The following LRRC53 variants were observed in gnomAD, a reference collection of about 807,000 sequenced individuals.
The protein encoded by LRRC53 is leucine rich repeat containing 53.
LRRC53 carries 25 observed loss-of-function variants against 13.6 expected under a neutral mutation model. That is an observed-to-expected ratio of 1.83 (90% CI 1.34 to 2.56). The LOEUF (loss-of-function observed/expected upper bound fraction) is 2.56, where lower values mean the gene tolerates loss of function less well. Ranked by LOEUF, LRRC53 falls within the 30% of genes most tolerant of loss-of-function variation. The probability of loss-of-function intolerance (pLI) is 0.00; values close to 1 mark genes in which losing one functional copy is unlikely to be tolerated. For synonymous variants in LRRC53, 204 were observed against 109.8 expected, an observed-to-expected ratio of 1.86 and a Z score of -5.37; for missense variants, 527 against 275.8, an observed-to-expected ratio of 1.91 and a Z score of -6.45.
the LRRC53 span, among the ~76,000 whole-genome samples, chr1:74,520,310 G>A: frequency 2.6e-4 from 39 of 152,206 alleles, no homozygotes; most frequent in East Asian, 5.4e-3. Context: ...TTAAATACAC[G>A]TACAGAATTG....
At chr1:74,489,007 A>C (rs1208096131) in intron 1 of LRRC53, among the ~76,000 whole-genome samples, 3 of 152,222 alleles carry the variant, frequency 2.0e-5, no homozygotes, top group African/African-American at 7.2e-5. Context: ...GGGAGACTCA[A>C]CATCTCTCCA....
the LRRC53 span, among the ~76,000 whole-genome samples, chr1:74,526,822 GA>G: frequency 6.6e-6 from 1 of 152,168 alleles, no homozygotes; most frequent in African/African-American, 2.4e-5. Flanking sequence ...ACACTCTAAA[GA>G]AGAGATTGGT....
intron 1 of LRRC53, among the ~76,000 whole-genome samples, chr1:74,505,791 G>A (rs1669865893): frequency 6.6e-6 from 1 of 152,110 alleles, no homozygotes; most frequent in Non-Finnish European, 1.5e-5. Context: ...ACTGGACCCA[G>A]GAAGAAAATA....
the LRRC53 span, among the ~76,000 whole-genome samples, chr1:74,528,601 G>T: frequency 6.6e-6 from 1 of 152,306 alleles, no homozygotes; most frequent in East Asian, 1.9e-4. Context: ...CACTGTCAGA[G>T]AATGGTGTGA....
At position 74,475,277 on chromosome 1, in the gene LRRC53, A is replaced by G. The variant is rs951196784; in HGVS notation, c.1420+18T>C. On this transcript the variant is annotated intron_variant, in intron 4 of 4. Transcript: ENST00000294635. Reference sequence around the variant, plus strand: ...AGAATTAAACGGAGTGGGATTTTCTAAAACAAGACAAACTCACCTTCTGTT... The same window carrying G: ...AGAATTAAACGGAGTGGGATTTTCTGAAACAAGACAAACTCACCTTCTGTT... 23 of 627,054 alleles carry G rather than the reference A, an allele frequency of 3.7e-5. No individual in the cohort carries two copies. Among genetic ancestry groups the G allele is most frequent in the Middle Eastern group, 2.5e-4 (1 of 3,972 alleles). 38.8% of individuals were successfully genotyped at this position (627,054 alleles called of 1,614,324 possible).
the LRRC53 span, among the ~76,000 whole-genome samples, chr1:74,527,942 G>A: frequency 3.9e-4 from 60 of 152,278 alleles, no homozygotes; most frequent in African/African-American, 1.4e-3. Flanking sequence ...AAAAGTGGGA[G>A]AAGGAAAGGG....
chr1:74,507,448 G>A (rs541344519), intron 1 of LRRC53, among the ~76,000 whole-genome samples: 4 of 152,116 alleles, frequency 2.6e-5, no homozygotes, highest in South Asian at 2.1e-4. Flanking sequence ...ACATGCGCAC[G>A]CACTTACACA....
chr1:74,522,772 AT>A, the LRRC53 span, among the ~76,000 whole-genome samples: 1 of 152,138 alleles, frequency 6.6e-6, no homozygotes, highest in Non-Finnish European at 1.5e-5. Flanking sequence ...AAACTGGTGT[AT>A]TTCTTAGGTT....
Position 74,480,949 on chromosome 1 carries a change from C to T in LRRC53, c.108G>A (p.Arg36=), listed in dbSNP as rs1258846482. The change falls in exon 3 of 5, where the codon AGG becomes AGA. Residue 36 remains arginine, a synonymous_variant. Transcript: ENST00000294635. The part of the protein sequence containing the change: ...TYIVAAPMTT[R]VLIITDGYLS... ...GATATCCATCGGTGATGATTAAAAC[C>T]CTCGTGGTCATAGGGGCTGCTGTGG... is the stretch of plus-strand genomic sequence containing the variant. 1.4e-6 allele frequency: 1 copy of T among 715,198 alleles called. No homozygotes were observed. The highest frequency in any genetic ancestry group is 1.7e-5 in the African/African-American group (1 of 57,146). The allele number at this position is 715,198 out of a possible 1,614,324, so 44.3% of individuals were successfully genotyped here. A position where few individuals can be genotyped will look rare whatever the true frequency, so the allele number is the denominator to read the frequency against.
Position 74,475,781 on chromosome 1 carries a change from C to T in LRRC53, c.934G>A (p.Val312Ile), listed in dbSNP as rs1212245630. 3.2e-6 allele frequency: 2 copies of T among 623,800 alleles called. No homozygotes were observed. Among genetic ancestry groups the T allele is most frequent in the Non-Finnish European group, 5.9e-6 (2 of 341,100 alleles). 38.6% of individuals were successfully genotyped at this position (623,800 alleles called of 1,614,324 possible). The change falls in exon 4 of 5, where the codon GTT becomes ATT. Residue 312 changes from valine to isoleucine, a missense_variant. Val to Ile is a conservative substitution (Grantham distance 29). Coordinates refer to ENST00000294635, the MANE Select transcript of LRRC53 (RefSeq NM_001382280.1). ...GAVGLTCLGL[V>I]VFNWKLHQGK... ...TGGTGGAGTTTCCAGTTAAATACAA[C>T]TAAACCTAGGCAAGTGAGACCAACA...
chr1:74,483,702 C>G (rs1668612235), intron 1 of LRRC53, among the ~76,000 whole-genome samples: 1 of 152,122 alleles, frequency 6.6e-6, no homozygotes, highest in Non-Finnish European at 1.5e-5. Flanking sequence ...TTTAATTCTG[C>G]AACCCAATTG....
the LRRC53 span, among the ~76,000 whole-genome samples, chr1:74,530,331 C>A: frequency 6.6e-6 from 1 of 152,198 alleles, no homozygotes; most frequent in Non-Finnish European, 1.5e-5. Flanking sequence ...GACTTAATAA[C>A]TGCCTGGCTT....
chr1:74,478,238 CACT>C (rs1262538376), intron 3 of LRRC53, among the ~76,000 whole-genome samples: 1 of 152,056 alleles, frequency 6.6e-6, no homozygotes, highest in African/African-American at 2.4e-5. Context: ...CTTCTCAAAG[CACT>C]ACAATTTAAC....
At chr1:74,509,546 T>G (rs540341151) in intron 1 of LRRC53, among the ~76,000 whole-genome samples, 14 of 152,244 alleles carry the variant, frequency 9.2e-5, no homozygotes, top group African/African-American at 3.1e-4. Flanking sequence ...GTATACTCTT[T>G]TCTTCAATAA....
upstream of LRRC53, among the ~76,000 whole-genome samples, chr1:74,515,080 T>C (rs941675048): frequency 2.0e-5 from 3 of 152,110 alleles, no homozygotes; most frequent in Non-Finnish European, 4.4e-5. Context: ...AGAATTTTCC[T>C]CAGAATATTC....
chr1:74,523,938 G>A, the LRRC53 span, among the ~76,000 whole-genome samples: 4 of 135,258 alleles, frequency 3.0e-5, no homozygotes, highest in African/African-American at 8.4e-5. Flanking sequence ...CCCCACCCCC[G>A]ACAGGCCCCA....
the LRRC53 span, among the ~76,000 whole-genome samples, chr1:74,533,680 A>T: frequency 3.9e-5 from 6 of 151,978 alleles, no homozygotes; most frequent in African/African-American, 1.5e-4. Context: ...CAACAATGAT[A>T]GACTGGATTA....
chr1:74,484,842 T>C (rs1668670460), intron 1 of LRRC53, among the ~76,000 whole-genome samples: 2 of 152,200 alleles, frequency 1.3e-5, no homozygotes, highest in Non-Finnish European at 2.9e-5. Flanking sequence ...TGGTCTGATG[T>C]CTATTTTTAA....
chr1:74,534,271 A>C, the LRRC53 span, among the ~76,000 whole-genome samples: 1 of 152,120 alleles, frequency 6.6e-6, no homozygotes, highest in African/African-American at 2.4e-5. Flanking sequence ...TAATTCACCA[A>C]ATCAAAGTTC....
Sources: allele counts gnomAD v4.1 joint callset (sites outside exome capture counted in the v4.1 genomes callset), GRCh38; gene constraint gnomAD v4.1.1; transcripts MANE v1.5; gene names NCBI Gene and HGNC (gene_info 2026-07-23, HGNC 2026-07-21).